C2CD5: variants seen among roughly 807,000 people sequenced by gnomAD.
C2CD5 encodes C2 domain-containing protein 5.
A neutral mutation model predicts 130.3 loss-of-function variants in C2CD5; 109 were observed. That is an observed-to-expected ratio of 0.84 (90% CI 0.72 to 0.98). The LOEUF (loss-of-function observed/expected upper bound fraction) is 0.98. Ranked by LOEUF, C2CD5 falls within the 50% of genes least tolerant of loss-of-function variation. C2CD5 has a pLI of 0.00. For missense variants in C2CD5, 996 were observed against 1,261.8 expected (o/e 0.79, Z 3.19); for synonymous variants, 454 against 429.2 (o/e 1.06, Z -0.71).
intron 12 of C2CD5, among the ~76,000 whole-genome samples, chr12:22,485,298 A>C (rs1945326013): frequency 6.6e-6 from 1 of 152,102 alleles, no homozygotes; most frequent in Non-Finnish European, 1.5e-5. Context: ...TTTGGTTACC[A>C]GAGGCTGGGA....
At chr12:22,507,137 T>G (rs1004868018) in intron 9 of C2CD5, among the ~76,000 whole-genome samples, 1 of 152,064 alleles carries the variant, frequency 6.6e-6, no homozygotes, top group African/African-American at 2.4e-5. Context: ...CTGATGGAAC[T>G]TCTCAATGAG....
chr12:22,491,891 GACA>G (rs1946402645), intron 11 of C2CD5, among the ~76,000 whole-genome samples: 1 of 150,072 alleles, frequency 6.7e-6, no homozygotes, highest in Non-Finnish European at 1.5e-5. Context: ...AAAAAAAAAC[GACA>G]ACAACAAAAA....
rs73261850 is a variant in C2CD5, at chr12:22,459,401, A to C, written c.2584+91T>G. The C allele has an allele frequency of 6.8e-4, 529 of 781,534 alleles. 2 individuals carry two copies. In the African/African-American group the frequency reaches 8.4e-3, roughly 12 times the overall value. 48.4% of individuals were successfully genotyped at this position (781,534 alleles called of 1,614,324 possible). A position where few individuals can be genotyped will look rare whatever the true frequency, so the allele number is the denominator to read the frequency against. Reference sequence around the variant, plus strand: ...TTTTGGTGTCTATTCCATATTGTCCAGTGCATTTTCTTCAATGTCTATAAT... The same window carrying C: ...TTTTGGTGTCTATTCCATATTGTCCCGTGCATTTTCTTCAATGTCTATAAT... On this transcript the variant is annotated intron_variant, in intron 23 of 26. Transcript: ENST00000446597.
In C2CD5 at chr12:22,482,556, C is replaced by A; in HGVS notation, c.1737+1G>T. ...ACAAAACCAAAAACATCTAAACTTA[C>A]CGCTAAGCCCATCAACATATTTTCA... On this transcript the variant is annotated splice_donor_variant, in intron 14 of 26. Transcript: ENST00000446597. LOFTEE classifies it high-confidence loss of function. The A allele has an allele frequency of 6.2e-7, 1 of 1,612,040 alleles. No individual in the cohort carries two copies. The highest frequency in any genetic ancestry group is 8.5e-7 in the Non-Finnish European group (1 of 1,178,864).
At chr12:22,522,856 A>G (rs1950389713) in intron 7 of C2CD5, among the ~76,000 whole-genome samples, 1 of 152,164 alleles carries the variant, frequency 6.6e-6, no homozygotes, top group South Asian at 2.1e-4. Context: ...TTTATGCTTT[A>G]TATATGCAGT....
intron 9 of C2CD5, among the ~76,000 whole-genome samples, chr12:22,508,347 TAAGG>T (rs1439861443): frequency 6.6e-6 from 1 of 152,000 alleles, no homozygotes; most frequent in Non-Finnish European, 1.5e-5. Flanking sequence ...AGAGGGAAAA[TAAGG>T]AAGAGGATGG....
At chr12:22,462,943 C>T (rs1023019070) in intron 22 of C2CD5, among the ~76,000 whole-genome samples, 10 of 151,624 alleles carry the variant, frequency 6.6e-5, no homozygotes, top group Non-Finnish European at 1.5e-4. Flanking sequence ...TAAACATTAA[C>T]CAGGCAAGGG....
At chr12:22,531,573 A>G (rs1951277989) in intron 3 of C2CD5, among the ~76,000 whole-genome samples, 1 of 152,226 alleles carries the variant, frequency 6.6e-6, no homozygotes, top group Non-Finnish European at 1.5e-5. Context: ...AGCAGATAAC[A>G]TGGAAGTCCA....
At chr12:22,516,757 TTCTTG>T (rs1949762109) in intron 8 of C2CD5, among the ~76,000 whole-genome samples, 1 of 151,776 alleles carries the variant, frequency 6.6e-6, no homozygotes, top group African/African-American at 2.4e-5. Context: ...ATGTAAGTCT[TTCTTG>T]TCTTGATTGT....
chr12:22,477,805 C>T (rs906151858), intron 15 of C2CD5, among the ~76,000 whole-genome samples: 4 of 152,084 alleles, frequency 2.6e-5, no homozygotes, highest in African/African-American at 4.8e-5. Flanking sequence ...GAAACTGTAA[C>T]TGAAAAACTA....
Position 22,482,747 on chromosome 12 carries a change from T to C in C2CD5, c.1551-4A>G. Reference sequence around the variant, plus strand: ...TTTCTTTTTTAAGCGACATAACCTGTAAAGGAAAATAAGTCAGTGAACAGT... The same window carrying C: ...TTTCTTTTTTAAGCGACATAACCTGCAAAGGAAAATAAGTCAGTGAACAGT... On this transcript the variant is annotated splice_polypyrimidine_tract_variant and splice_region_variant and intron_variant, in intron 13 of 26. Transcript: ENST00000446597. 1 of 1,608,450 alleles carries C rather than the reference T, an allele frequency of 6.2e-7. No homozygotes were observed. Among genetic ancestry groups the C allele is most frequent in the Non-Finnish European group, 8.5e-7 (1 of 1,175,626 alleles).
At chr12:22,486,199 A>C (rs71448649) in intron 12 of C2CD5, among the ~76,000 whole-genome samples, 4,246 of 151,796 alleles carry the variant, frequency 0.028, 72 homozygotes, top group Non-Finnish European at 0.044. Flanking sequence ...AAAAAAAAAA[A>C]AAAAACACTG....
chr12:22,472,847 G>T, intron 16 of C2CD5, 40 bp from the exon 17 acceptor site: 1 of 1,045,872 alleles, frequency 9.6e-7, no homozygotes, highest in Non-Finnish European at 1.5e-6. Flanking sequence ...AGTAGTAAAT[G>T]CATAATTATT....
intron 19 of C2CD5, 36 bp from the exon 20 acceptor site, chr12:22,471,524 TA>T: frequency 8.0e-7 from 1 of 1,247,262 alleles, no homozygotes; most frequent in South Asian, 1.6e-5. Context: ...GTCACTTTTT[TA>T]TTTAAAAATT....
At chr12:22,512,699 TAAAA>T in intron 9 of C2CD5, 1 of 1,239,692 alleles carries the variant, frequency 8.1e-7, no homozygotes, top group South Asian at 1.6e-5. Flanking sequence ...GAAGTTTATT[TAAAA>T]AAAAAAAAGA....
chr12:22,539,003 A>T (rs1397874108), intron 2 of C2CD5, among the ~76,000 whole-genome samples: 1 of 152,088 alleles, frequency 6.6e-6, no homozygotes, highest in Non-Finnish European at 1.5e-5. Flanking sequence ...TCCTATTAGC[A>T]CACAAATAGG....
chr12:22,472,589 A>C (rs1205634840), intron 17 of C2CD5, 155 bp downstream of exon 17: 1 of 665,678 alleles, frequency 1.5e-6, no homozygotes, highest in Non-Finnish European at 2.7e-6. Context: ...AGTATTTTTA[A>C]GGTATGTTTT....
chr12:22,488,046 G>C (rs1324400556), intron 12 of C2CD5, among the ~76,000 whole-genome samples: 1 of 146,230 alleles, frequency 6.8e-6, no homozygotes, highest in Non-Finnish European at 1.5e-5. Context: ...GCCTGTTGTG[G>C]GGTAGGGGGA....
intron 10 of C2CD5, among the ~76,000 whole-genome samples, chr12:22,495,294 T>C (rs1239782668): frequency 6.6e-6 from 1 of 152,078 alleles, no homozygotes; most frequent in African/African-American, 2.4e-5. Context: ...GCTTTACTGT[T>C]TTAAAAATGA....
Sources: allele counts gnomAD v4.1 joint callset (sites outside exome capture counted in the v4.1 genomes callset), GRCh38; gene constraint gnomAD v4.1.1; transcripts MANE v1.5; gene names NCBI Gene and HGNC (gene_info 2026-07-23, HGNC 2026-07-21).